Variants in ARHGAP15 observed in about 807,000 individuals in gnomAD.
The protein encoded by ARHGAP15 is rho GTPase-activating protein 15.
In ARHGAP15, 51 loss-of-function variants were observed where a neutral mutation model predicts 63.7. The ratio of observed to expected loss-of-function variants is 0.80; its 90% CI spans 0.64 to 1.01. The LOEUF is 1.01. Ranked by LOEUF, ARHGAP15 falls within the 50% of genes least tolerant of loss-of-function variation. ARHGAP15 has a pLI of 0.00. For missense variants in ARHGAP15, 560 were observed against 564.6 expected, an observed-to-expected ratio of 0.99 and a Z score of 0.08; for synonymous variants, 191 against 193.8, an observed-to-expected ratio of 0.99 and a Z score of 0.12.
At chr2:143,165,979 A>AAAGG in intron 2 of ARHGAP15, among the ~76,000 whole-genome samples, 1 of 136,234 alleles carries the variant, frequency 7.3e-6, no homozygotes, top group Non-Finnish European at 1.6e-5. Flanking sequence ...AGAAAGAAAG[A>AAAGG]AAGAAAGAAA....
intron 13 of ARHGAP15, among the ~76,000 whole-genome samples, chr2:143,720,807 C>T (rs1574888428): frequency 6.6e-6 from 1 of 152,186 alleles, no homozygotes; most frequent in East Asian, 1.9e-4. Flanking sequence ...CGGTGGCTCA[C>T]GCCTGTAATC....
intron 12 of ARHGAP15, among the ~76,000 whole-genome samples, chr2:143,649,603 A>G (rs574252504): frequency 6.6e-6 from 1 of 152,066 alleles, no homozygotes; most frequent in East Asian, 1.9e-4. Context: ...TGCTTGTCCA[A>G]TGCTCTCCAA....
chr2:143,161,444 T>A (rs1690292421), intron 2 of ARHGAP15, among the ~76,000 whole-genome samples: 2 of 151,978 alleles, frequency 1.3e-5, no homozygotes, highest in South Asian at 4.1e-4. Flanking sequence ...TTTGTTAATT[T>A]TTTTTTAAAT....
chr2:143,295,491 C>T (rs1558872875), intron 6 of ARHGAP15: 1 of 151,902 alleles, frequency 6.6e-6, no homozygotes, highest in Non-Finnish European at 1.5e-5. Flanking sequence ...AAAAGGCAGA[C>T]AATAGGATTT....
At chr2:143,370,422 G>A (rs1027809588) in intron 6 of ARHGAP15, among the ~76,000 whole-genome samples, 9 of 151,938 alleles carry the variant, frequency 5.9e-5, no homozygotes, top group African/African-American at 9.7e-5. Flanking sequence ...TGGGTGCAGC[G>A]CACCAGCATG....
At chr2:143,397,546 T>C (rs958254697) in intron 6 of ARHGAP15, among the ~76,000 whole-genome samples, 3 of 148,840 alleles carry the variant, frequency 2.0e-5, no homozygotes, top group African/African-American at 7.6e-5. Context: ...AATTAATATG[T>C]TAAAATATTG....
At chr2:143,603,516 T>A (rs1697859223) in intron 11 of ARHGAP15, among the ~76,000 whole-genome samples, 1 of 152,174 alleles carries the variant, frequency 6.6e-6, no homozygotes, top group Non-Finnish European at 1.5e-5. Flanking sequence ...CCTCTGTCGA[T>A]GTATCTTTTT....
At chr2:143,176,520 T>C (rs961889229) in intron 2 of ARHGAP15, among the ~76,000 whole-genome samples, 1 of 152,174 alleles carries the variant, frequency 6.6e-6, no homozygotes, top group Non-Finnish European at 1.5e-5. Flanking sequence ...GTATCTTCTT[T>C]CTTTTGTCTT....
At chr2:143,558,205 C>T (rs1173598517) in intron 11 of ARHGAP15, among the ~76,000 whole-genome samples, 2 of 152,136 alleles carry the variant, frequency 1.3e-5, no homozygotes, top group Non-Finnish European at 2.9e-5. Context: ...ATAAACTGTA[C>T]TCCCACATTT....
chr2:143,752,863 G>A (rs1686432800), intron 13 of ARHGAP15, among the ~76,000 whole-genome samples: 1 of 152,184 alleles, frequency 6.6e-6, no homozygotes, highest in African/African-American at 2.4e-5. Flanking sequence ...AGGGGCCAGA[G>A]CAGTGGCTCA....
At chr2:143,486,623 T>C (rs1692337904) in intron 8 of ARHGAP15, among the ~76,000 whole-genome samples, 1 of 152,072 alleles carries the variant, frequency 6.6e-6, no homozygotes, top group Non-Finnish European at 1.5e-5. Flanking sequence ...CCATGCTTAA[T>C]GAAAACCCAG....
chr2:143,704,833 A>AT (rs1031666282), intron 13 of ARHGAP15, among the ~76,000 whole-genome samples: 2 of 152,136 alleles, frequency 1.3e-5, no homozygotes, highest in Non-Finnish European at 2.9e-5. Context: ...CTATTACATG[A>AT]TTTTTCATTG....
At chr2:143,240,383 A>T (rs1343475526) in intron 5 of ARHGAP15, among the ~76,000 whole-genome samples, 1 of 152,212 alleles carries the variant, frequency 6.6e-6, no homozygotes, top group African/African-American at 2.4e-5. Flanking sequence ...AGATGAAAAT[A>T]GTTTCAATCA....
intron 6 of ARHGAP15, among the ~76,000 whole-genome samples, chr2:143,256,380 C>T (rs576495100): frequency 5.9e-5 from 9 of 152,172 alleles, no homozygotes; most frequent in South Asian, 2.1e-4. Context: ...ATATTTAATA[C>T]ACAACATGAA....
chr2:143,470,140 T>C (rs1235994475), intron 8 of ARHGAP15, among the ~76,000 whole-genome samples: 1 of 117,994 alleles, frequency 8.5e-6, no homozygotes, highest in Non-Finnish European at 1.7e-5. Context: ...TCCATGGATG[T>C]ATAAGTATCC....
chr2:143,196,310 A>G (rs1188147047), intron 2 of ARHGAP15, among the ~76,000 whole-genome samples: 1 of 152,074 alleles, frequency 6.6e-6, no homozygotes, highest in Admixed American at 6.6e-5. Flanking sequence ...TTATATTTCA[A>G]GTTTTTTCAA....
intron 6 of ARHGAP15, among the ~76,000 whole-genome samples, chr2:143,273,812 C>T (rs556581721): frequency 1.1e-4 from 16 of 152,134 alleles, no homozygotes; most frequent in South Asian, 6.2e-4. Context: ...AAACTTCATC[C>T]AGTTAGTAAT....
At chr2:143,281,542 A>G (rs990438467) in intron 6 of ARHGAP15, among the ~76,000 whole-genome samples, 1 of 152,144 alleles carries the variant, frequency 6.6e-6, no homozygotes, top group Non-Finnish European at 1.5e-5. Context: ...AATACAAGAG[A>G]TACTTCAAAT....
chr2:143,512,268 A>G (rs1186942867), intron 9 of ARHGAP15, among the ~76,000 whole-genome samples: 1 of 152,252 alleles, frequency 6.6e-6, no homozygotes, highest in Non-Finnish European at 1.5e-5. Context: ...GTAACATCAG[A>G]AAAAGTCTCA....
Sources: allele counts gnomAD v4.1 joint callset (sites outside exome capture counted in the v4.1 genomes callset), GRCh38; gene constraint gnomAD v4.1.1; transcripts MANE v1.5; gene names NCBI Gene and HGNC (gene_info 2026-07-23, HGNC 2026-07-21).